SBF2: variants seen among roughly 807,000 people sequenced by gnomAD.
SBF2 encodes SET binding factor 2, also known as myotubularin-related protein 13.
A neutral mutation model predicts 225.2 loss-of-function variants in SBF2; 112 were observed. The observed-to-expected ratio is 0.50, with a 90% CI of 0.43 to 0.58. The LOEUF (loss-of-function observed/expected upper bound fraction) is 0.58. SBF2 is among the 20% of genes least tolerant of loss of function. The probability of loss-of-function intolerance (pLI) is 0.00; values close to 1 mark genes in which losing one functional copy is unlikely to be tolerated. For synonymous variants in SBF2, 763 were observed against 773.3 expected (o/e 0.99, Z 0.22); for missense variants, 1,996 against 2,206.2 (o/e 0.90, Z 1.91).
intron 17 of SBF2, among the ~76,000 whole-genome samples, chr11:9,864,638 C>T (rs566022708): frequency 2.0e-5 from 3 of 152,262 alleles, no homozygotes; most frequent in South Asian, 4.1e-4. Context: ...CCTCCCGCCT[C>T]GGCCACCCAA....
intron 2 of SBF2, among the ~76,000 whole-genome samples, chr11:10,179,426 T>C (rs1956635573): frequency 6.8e-6 from 1 of 145,992 alleles, no homozygotes; most frequent in African/African-American, 2.6e-5. Flanking sequence ...CAAAAAAAAC[T>C]TATTTTTGTC....
intron 2 of SBF2, among the ~76,000 whole-genome samples, chr11:10,176,877 A>G (rs1695612343): frequency 6.6e-6 from 1 of 152,248 alleles, no homozygotes; most frequent in African/African-American, 2.4e-5. Flanking sequence ...AGCCTGGCAG[A>G]GACACAACCA....
intron 25 of SBF2, among the ~76,000 whole-genome samples, chr11:9,840,552 C>T (rs1310927618): frequency 6.6e-6 from 1 of 152,164 alleles, no homozygotes; most frequent in East Asian, 1.9e-4. Flanking sequence ...TGTCAAATTG[C>T]AGTGATTTCT....
At chr11:10,112,802 T>TTAAAAGGAAAC (rs1298660613) in intron 2 of SBF2, among the ~76,000 whole-genome samples, 3 of 151,988 alleles carry the variant, frequency 2.0e-5, no homozygotes, top group Non-Finnish European at 4.4e-5. Flanking sequence ...ATGTTCCTTA[T>TTAAAAGGAAAC]TAAAAGGAAA....
intron 2 of SBF2, chr11:10,149,621 G>C (rs1323259584): frequency 6.6e-6 from 1 of 152,166 alleles, no homozygotes; most frequent in Non-Finnish European, 1.5e-5. Context: ...CCAATATGCT[G>C]TATGTGTTCC....
chr11:10,244,733 G>C (rs1959596358), intron 1 of SBF2, among the ~76,000 whole-genome samples: 1 of 152,074 alleles, frequency 6.6e-6, no homozygotes, highest in Non-Finnish European at 1.5e-5. Flanking sequence ...AAAACACAAA[G>C]GCAACCTATG....
chr11:10,289,738 T>C (rs982007090), intron 1 of SBF2, among the ~76,000 whole-genome samples: 31 of 152,260 alleles, frequency 2.0e-4, no homozygotes, highest in African/African-American at 5.8e-4. Context: ...ACCACGCTGC[T>C]GGCTGGGTCC....
chr11:9,827,350 A>C (rs1401639926), intron 28 of SBF2, among the ~76,000 whole-genome samples: 1 of 152,088 alleles, frequency 6.6e-6, no homozygotes, highest in Non-Finnish European at 1.5e-5. Context: ...CAACATAGTA[A>C]GACTCTGTCC....
At chr11:10,083,214 C>G (rs995483896) in intron 2 of SBF2, among the ~76,000 whole-genome samples, 1 of 152,052 alleles carries the variant, frequency 6.6e-6, no homozygotes, top group Non-Finnish European at 1.5e-5. Flanking sequence ...CTATAAGATA[C>G]TGATGAAAAA....
chr11:10,272,046 C>T lies in SBF2; in HGVS notation c.55+21969G>A. 3.5e-6 allele frequency: 4 copies of T among 1,132,128 alleles called. 2 individuals are homozygous for T. Among genetic ancestry groups the T allele is most frequent in the Non-Finnish European group, 5.0e-6 (4 of 806,254 alleles). 70.1% of individuals were successfully genotyped at this position (1,132,128 alleles called of 1,614,324 possible). A position where few individuals can be genotyped will look rare whatever the true frequency, so the allele number is the denominator to read the frequency against. On this transcript the variant is annotated intron_variant, in intron 1 of 39. Transcript: ENST00000256190. ...AAGGCATTCCTCAGCAAACTTCTCTCGAGTCTTCAGAGTAAAGCACAGGAT... is the reference window on the plus strand; with the variant it reads ...AAGGCATTCCTCAGCAAACTTCTCTTGAGTCTTCAGAGTAAAGCACAGGAT...
chr11:9,974,054 A>T (rs1328222837), intron 13 of SBF2, among the ~76,000 whole-genome samples: 1 of 152,156 alleles, frequency 6.6e-6, no homozygotes, highest in Non-Finnish European at 1.5e-5. Flanking sequence ...CATTGTCAAA[A>T]CGTAACTGGA....
chr11:10,235,426 C>T (rs767230452), intron 1 of SBF2, among the ~76,000 whole-genome samples: 3 of 151,688 alleles, frequency 2.0e-5, no homozygotes, highest in Admixed American at 1.3e-4. Flanking sequence ...ACTGAAGAGG[C>T]TGAGGCAGGA....
At chr11:10,277,740 G>T (rs1340526768) in intron 1 of SBF2, among the ~76,000 whole-genome samples, 1 of 152,078 alleles carries the variant, frequency 6.6e-6, no homozygotes, top group African/African-American at 2.4e-5. Flanking sequence ...CAGAGAATGC[G>T]GCCATGTGAT....
intron 16 of SBF2, among the ~76,000 whole-genome samples, chr11:9,946,224 C>T (rs995606642): frequency 6.6e-6 from 1 of 152,138 alleles, no homozygotes; most frequent in Non-Finnish European, 1.5e-5. Flanking sequence ...AAATGTGGTA[C>T]ACATACACCA....
intron 3 of SBF2, among the ~76,000 whole-genome samples, chr11:10,042,413 T>A (rs1164485341): frequency 1.3e-5 from 2 of 152,214 alleles, no homozygotes; most frequent in African/African-American, 4.8e-5. Context: ...ATGTTGATAA[T>A]ACCACCCCTA....
chr11:10,262,813 T>C (rs1388728293), intron 1 of SBF2, among the ~76,000 whole-genome samples: 1 of 152,128 alleles, frequency 6.6e-6, no homozygotes, highest in Non-Finnish European at 1.5e-5. Context: ...TTCAACTTAA[T>C]AGTTCATCTA....
At chr11:10,238,001 T>C (rs1959145366) in intron 1 of SBF2, among the ~76,000 whole-genome samples, 1 of 152,238 alleles carries the variant, frequency 6.6e-6, no homozygotes, top group Non-Finnish European at 1.5e-5. Flanking sequence ...ACGAACATCC[T>C]TATATAAGTC....
At chr11:10,098,708 C>T (rs1367368584) in intron 2 of SBF2, among the ~76,000 whole-genome samples, 5 of 151,138 alleles carry the variant, frequency 3.3e-5, no homozygotes, top group Non-Finnish European at 7.4e-5. Context: ...CACACACACA[C>T]ACACACACAC....
In SBF2 at chr11:10,001,012, T is replaced by C. The variant is rs1259744769; in HGVS notation, c.763A>G (p.Ile255Val). Residue 255 changes from isoleucine to valine, a missense_variant, in exon 8 of 40, where the codon ATC becomes GTC. By Grantham distance (29) the Ile-to-Val change is conservative. Coordinates refer to ENST00000256190, the MANE Select transcript of SBF2 (RefSeq NM_030962.4). Reference sequence around the variant, plus strand: ...AGTAGCTGAGCCGGGAGAATAGGGATATAAGGATAACTGGAAATAATAAAA... The same window carrying C: ...AGTAGCTGAGCCGGGAGAATAGGGACATAAGGATAACTGGAAATAATAAAA... The part of the protein sequence containing the change: ...MFPLKYSYPY[I>V]PILPAQLLEV... The C allele has an allele frequency of 5.8e-6, 9 of 1,559,772 alleles. No homozygotes were observed. Among genetic ancestry groups the C allele is most frequent in the Non-Finnish European group, 7.1e-6 (8 of 1,130,826 alleles).
Sources: gnomAD v4.1 joint callset for allele counts (sites outside exome capture counted in the v4.1 genomes callset) on GRCh38, gnomAD v4.1.1 for gene constraint, MANE v1.5 for transcripts, NCBI Gene and HGNC (gene_info 2026-07-23, HGNC 2026-07-21) for gene names.